The following SAMMSON variants were observed in gnomAD, a reference collection of about 807,000 sequenced individuals.
The protein encoded by SAMMSON is long intergenic non-protein coding RNA 1212.
intron 9 of SAMMSON, among the ~76,000 whole-genome samples, chr3:70,381,958 T>G (rs1456618589): frequency 6.6e-6 from 1 of 152,188 alleles, no homozygotes; most frequent in Non-Finnish European, 1.5e-5. Flanking sequence ...TTAAATGATG[T>G]CTAGGAACTA....
intron 2 of SAMMSON, among the ~76,000 whole-genome samples, chr3:70,412,341 AG>A (rs1280199317): frequency 1.3e-5 from 2 of 152,216 alleles, no homozygotes; most frequent in African/African-American, 4.8e-5. Context: ...CTTAATGCAT[AG>A]TACATTTAAC....
At chr3:70,250,323 G>A (rs899905611) in intron 6 of SAMMSON, among the ~76,000 whole-genome samples, 3 of 151,488 alleles carry the variant, frequency 2.0e-5, no homozygotes, top group Non-Finnish European at 2.9e-5. Flanking sequence ...TTTTACTATT[G>A]CCAGCGACAT....
At chr3:70,372,719 G>A (rs1250796236) in intron 9 of SAMMSON, among the ~76,000 whole-genome samples, 2 of 152,082 alleles carry the variant, frequency 1.3e-5, no homozygotes, top group South Asian at 2.1e-4. Context: ...TTCCTCATCA[G>A]GGTCTTGTAG....
At chr3:70,432,067 C>T (rs1701418707) in intron 2 of SAMMSON, among the ~76,000 whole-genome samples, 1 of 151,852 alleles carries the variant, frequency 6.6e-6, no homozygotes, top group Non-Finnish European at 1.5e-5. Context: ...TGTTTTTATT[C>T]CAAACCACTG....
chr3:70,322,723 C>G (rs922984124), intron 7 of SAMMSON, among the ~76,000 whole-genome samples: 1 of 151,986 alleles, frequency 6.6e-6, no homozygotes, highest in East Asian at 1.9e-4. Context: ...TCTTTGTATC[C>G]TTTAAAGAAC....
At chr3:70,270,499 G>A (rs61595204) in intron 6 of SAMMSON, among the ~76,000 whole-genome samples, 23,300 of 151,968 alleles carry the variant, frequency 0.15, 1,830 homozygotes, top group South Asian at 0.25. Flanking sequence ...TCAGTACTGG[G>A]GTACTTTAAT....
chr3:70,336,060 T>C (rs1026823679), intron 7 of SAMMSON, among the ~76,000 whole-genome samples: 5 of 152,012 alleles, frequency 3.3e-5, no homozygotes, highest in Non-Finnish European at 7.4e-5. Flanking sequence ...TCTAAATGAA[T>C]AGACTTCCAT....
At chr3:70,203,514 G>T (rs1701260994) in intron 4 of SAMMSON, among the ~76,000 whole-genome samples, 1 of 152,092 alleles carries the variant, frequency 6.6e-6, no homozygotes, top group South Asian at 2.1e-4. Flanking sequence ...CAGTTCTTTA[G>T]AACTAGAATG....
At chr3:70,185,844 G>A (rs1701087597) in intron 4 of SAMMSON, among the ~76,000 whole-genome samples, 1 of 151,944 alleles carries the variant, frequency 6.6e-6, no homozygotes, top group East Asian at 1.9e-4. Context: ...GGGCATGATG[G>A]TGTGTACCTG....
chr3:70,432,459 C>T (rs953921590), intron 2 of SAMMSON, among the ~76,000 whole-genome samples: 17 of 151,730 alleles, frequency 1.1e-4, no homozygotes, highest in African/African-American at 4.1e-4. Flanking sequence ...CCTGTTTACT[C>T]ATTTTCTTAA....
At chr3:70,361,578 G>A (rs891814222) in intron 9 of SAMMSON, among the ~76,000 whole-genome samples, 3 of 152,124 alleles carry the variant, frequency 2.0e-5, no homozygotes, top group Non-Finnish European at 2.9e-5. Flanking sequence ...CCATATTTAC[G>A]AGACATATGT....
chr3:70,248,061 G>A (rs781175341), intron 4 of SAMMSON, among the ~76,000 whole-genome samples: 8 of 151,996 alleles, frequency 5.3e-5, no homozygotes, highest in Non-Finnish European at 7.4e-5. Context: ...TGGTAAAGGA[G>A]ATAGGCTAAC....
At chr3:70,315,468 A>G (rs996185405) in intron 7 of SAMMSON, among the ~76,000 whole-genome samples, 1 of 152,162 alleles carries the variant, frequency 6.6e-6, no homozygotes, top group African/African-American at 2.4e-5. Context: ...AATTAGCATA[A>G]TATTCCATTT....
At chr3:70,362,204 G>GT (rs1467432713) in intron 9 of SAMMSON, among the ~76,000 whole-genome samples, 11 of 152,126 alleles carry the variant, frequency 7.2e-5, no homozygotes, top group Admixed American at 7.2e-4. Context: ...TGGTGGTTTA[G>GT]ATTTTCTTTT....
chr3:70,343,629 C>A (rs1341158438), intron 7 of SAMMSON, among the ~76,000 whole-genome samples: 1 of 151,990 alleles, frequency 6.6e-6, no homozygotes, highest in Non-Finnish European at 1.5e-5. Context: ...GCCTTGATCA[C>A]CTTGATAAAG....
chr3:70,022,312 T>C (rs1055961623), intron 3 of SAMMSON, among the ~76,000 whole-genome samples: 1 of 146,004 alleles, frequency 6.8e-6, no homozygotes, highest in Admixed American at 7.0e-5. Context: ...TTAGGAGATA[T>C]ACCTAATGCT....
At chr3:70,052,361 C>T (rs2067149532) in intron 3 of SAMMSON, among the ~76,000 whole-genome samples, 1 of 152,064 alleles carries the variant, frequency 6.6e-6, no homozygotes, top group African/African-American at 2.4e-5. Flanking sequence ...TCCCAATCTC[C>T]TTGAGCAAAA....
intron 4 of SAMMSON, among the ~76,000 whole-genome samples, chr3:70,158,239 C>T (rs1027717945): frequency 1.3e-5 from 2 of 152,088 alleles, no homozygotes; most frequent in African/African-American, 4.8e-5. Flanking sequence ...CCAGCAACCA[C>T]TAATCTATTT....
intron 4 of SAMMSON, among the ~76,000 whole-genome samples, chr3:70,229,354 T>C (rs988734936): frequency 3.3e-5 from 5 of 152,198 alleles, no homozygotes; most frequent in South Asian, 2.1e-4. Flanking sequence ...CATATGCTGG[T>C]ATATCCGATC....
Sources: gnomAD v4.1 joint callset for allele counts (sites outside exome capture counted in the v4.1 genomes callset) on GRCh38, gnomAD v4.1.1 for gene constraint, MANE v1.5 for transcripts, NCBI Gene and HGNC (gene_info 2026-07-23, HGNC 2026-07-21) for gene names.